Variants in GPC3 observed in about 807,000 individuals in gnomAD.
GPC3 encodes glypican-3.
A neutral mutation model predicts 34.4 loss-of-function variants in GPC3; 3 were observed. That is an observed-to-expected ratio of 0.09 (90% CI 0.04 to 0.23). GPC3 has a LOEUF of 0.23. Among genes scored for constraint, GPC3 ranks in the 10% least tolerant of loss-of-function variants. The pLI is 1.00. For synonymous variants in GPC3, 177 were observed against 174.0 expected, an observed-to-expected ratio of 1.02 and a Z score of -0.13; for missense variants, 351 against 445.6, an observed-to-expected ratio of 0.79 and a Z score of 1.91.
intron 5 of GPC3, among the ~76,000 whole-genome samples, chrX:133,679,732 G>A (rs961839222): frequency 9.0e-6 from 1 of 111,101 alleles, no homozygotes; most frequent in Non-Finnish European, 1.9e-5. Context: ...ATAGCTCACT[G>A]CAGCCTCGAC....
At chrX:133,699,805 T>C (rs2071150299) in intron 4 of GPC3, 90 bp downstream of exon 4, 1 of 679,182 alleles carries the variant, frequency 1.5e-6, no homozygotes, top group African/African-American at 2.2e-5. Context: ...CTAAATAACA[T>C]GTATTTAAGA....
chrX:133,613,869 T>C (rs2070134488), intron 6 of GPC3, among the ~76,000 whole-genome samples: 1 of 112,343 alleles, frequency 8.9e-6, no homozygotes, highest in Non-Finnish European at 1.9e-5. Flanking sequence ...ATTAAAGAAG[T>C]GTTTTATAAT....
intron 2 of GPC3, among the ~76,000 whole-genome samples, chrX:133,908,195 C>A (rs939807948): frequency 8.9e-6 from 1 of 111,803 alleles, no homozygotes; most frequent in Non-Finnish European, 1.9e-5. Flanking sequence ...TTTAGGACCT[C>A]TTCTAAGTTC....
At chrX:133,943,370 A>G (rs963535600) in intron 2 of GPC3, among the ~76,000 whole-genome samples, 4 of 112,598 alleles carry the variant, frequency 3.6e-5, no homozygotes, top group African/African-American at 1.3e-4. Flanking sequence ...ACTCTAAGGA[A>G]AGGTAAGGTT....
At chrX:133,930,901 G>T (rs1444115637) in intron 2 of GPC3, among the ~76,000 whole-genome samples, 1 of 112,448 alleles carries the variant, frequency 8.9e-6, no homozygotes, top group Admixed American at 9.4e-5. Flanking sequence ...CTCCCAAAGT[G>T]CTGGGATTAC....
intron 5 of GPC3, among the ~76,000 whole-genome samples, chrX:133,687,393 T>TG (rs2071019396): frequency 1.3e-5 from 1 of 78,565 alleles, no homozygotes; most frequent in Non-Finnish European, 2.5e-5. Flanking sequence ...GTTTTTTTTT[T>TG]TTTTTTTTTT....
At chrX:133,634,909 G>A (rs1042600492) in intron 6 of GPC3, among the ~76,000 whole-genome samples, 4 of 111,780 alleles carry the variant, frequency 3.6e-5, no homozygotes, top group African/African-American at 1.3e-4. Flanking sequence ...GCCAAGTGAG[G>A]AACTCAAGCT....
intron 6 of GPC3, among the ~76,000 whole-genome samples, chrX:133,627,104 A>C (rs1261841577): frequency 1.0e-5 from 1 of 98,086 alleles, no homozygotes; most frequent in East Asian, 3.4e-4. Flanking sequence ...CAAAGGTGGG[A>C]ATTTAACAAT....
chrX:133,575,426 T>C (rs1433144433), intron 7 of GPC3, among the ~76,000 whole-genome samples: 2 of 112,315 alleles, frequency 1.8e-5, no homozygotes, highest in Admixed American at 1.9e-4. Context: ...TCATTTTGAC[T>C]TCCCATAACA....
At chrX:133,716,128 T>C (rs1229005061) in intron 3 of GPC3, among the ~76,000 whole-genome samples, 14 of 111,704 alleles carry the variant, frequency 1.3e-4, no homozygotes, top group Admixed American at 8.6e-4. Context: ...TTGAGAAAAG[T>C]GACAAAGAAA....
intron 3 of GPC3, among the ~76,000 whole-genome samples, chrX:133,729,041 G>T (rs2071439438): frequency 9.0e-6 from 1 of 111,218 alleles, no homozygotes. Flanking sequence ...AGACTTATAA[G>T]CTCCTGTGTC....
At chrX:133,820,991 A>C (rs1307860360) in intron 2 of GPC3, among the ~76,000 whole-genome samples, 1 of 112,048 alleles carries the variant, frequency 8.9e-6, no homozygotes, top group Non-Finnish European at 1.9e-5. Context: ...AGCACATAGC[A>C]AGAGCTCCAT....
chrX:133,830,449 C>T (rs189175594), intron 2 of GPC3, among the ~76,000 whole-genome samples: 25 of 111,088 alleles, frequency 2.3e-4, no homozygotes, highest in East Asian at 1.4e-3. Flanking sequence ...GAGGCTGAGG[C>T]GGGCAGACCA....
chrX:133,897,658 G>C (rs1258462299), intron 2 of GPC3, among the ~76,000 whole-genome samples: 1 of 110,889 alleles, frequency 9.0e-6, no homozygotes, highest in African/African-American at 3.3e-5. Context: ...TGCTCACGTG[G>C]ATGGTGCCAG....
intron 1 of GPC3, among the ~76,000 whole-genome samples, chrX:133,980,856 A>G (rs1485943839): frequency 8.9e-6 from 1 of 112,243 alleles, no homozygotes; most frequent in Non-Finnish European, 1.9e-5. Context: ...CAGATCAGTA[A>G]TAAGCCGCCT....
intron 5 of GPC3, among the ~76,000 whole-genome samples, chrX:133,674,458 G>A (rs760121606): frequency 5.4e-5 from 6 of 111,331 alleles, no homozygotes; most frequent in African/African-American, 2.0e-4. Flanking sequence ...TTGCCATCGC[G>A]ATTGAGCAAT....
chrX:133,701,100 T>C (rs915009280), intron 3 of GPC3, among the ~76,000 whole-genome samples: 2 of 111,397 alleles, frequency 1.8e-5, no homozygotes, highest in African/African-American at 6.5e-5. Context: ...TGACCTCTTT[T>C]ACACTCATAT....
chrX:133,613,900 A>T (rs1366835904), intron 6 of GPC3, among the ~76,000 whole-genome samples: 1 of 112,501 alleles, frequency 8.9e-6, no homozygotes, highest in Non-Finnish European at 1.9e-5. Context: ...GACATACACA[A>T]TACTAACAGA....
chrX:133,667,301 G>A (rs1214344496), intron 5 of GPC3, among the ~76,000 whole-genome samples: 1 of 111,538 alleles, frequency 9.0e-6, no homozygotes, highest in African/African-American at 3.3e-5. Context: ...CTAGGCATTA[G>A]TTGTTTTAAA....
Sources: gnomAD v4.1 joint callset for allele counts (sites outside exome capture counted in the v4.1 genomes callset) on GRCh38, gnomAD v4.1.1 for gene constraint, MANE v1.5 for transcripts, NCBI Gene and HGNC (gene_info 2026-07-23, HGNC 2026-07-21) for gene names.